SIRT3: variants seen among roughly 807,000 people sequenced by gnomAD.
The protein encoded by SIRT3 is NAD-dependent protein deacetylase sirtuin-3, mitochondrial.
SIRT3 carries 26 observed loss-of-function variants against 33.5 expected under a neutral mutation model. That is an observed-to-expected ratio of 0.78 (90% CI 0.57 to 1.08). SIRT3 has a LOEUF of 1.08. SIRT3 is among the 50% of genes least tolerant of loss of function. SIRT3 has a pLI of 0.00. For missense variants in SIRT3, 585 were observed against 530.1 expected (o/e 1.10, Z -1.02); for synonymous variants, 237 against 222.1 (o/e 1.07, Z -0.60).
intron 6 of SIRT3, among the ~76,000 whole-genome samples, chr11:217,341 T>C (rs1431088495): frequency 6.6e-6 from 1 of 152,138 alleles, no homozygotes; most frequent in East Asian, 1.9e-4. Flanking sequence ...TCCCAGCTGC[T>C]CAGGAGGCTG....
intron 3 of SIRT3, among the ~76,000 whole-genome samples, chr11:231,815 G>C (rs1046536733): frequency 6.6e-6 from 1 of 151,954 alleles, no homozygotes; most frequent in Non-Finnish European, 1.5e-5. Flanking sequence ...ACACATTCCT[G>C]GAGCCAAGGT....
At position 223,633 on chromosome 11, in the gene SIRT3, T is replaced by A; in HGVS notation, c.969+445A>T. 16 of 351,920 alleles carry A rather than the reference T, an allele frequency of 4.5e-5. No individual in the cohort carries two copies. Among genetic ancestry groups the A allele is most frequent in the East Asian group, 7.1e-5 (1 of 14,098 alleles). The allele number at this position is 351,920 out of a possible 1,614,324, so 21.8% of individuals were successfully genotyped here. Reference sequence around the variant, plus strand: ...GCCCCCACACCCCCATCCTTCTCCCTTCTCCTCACACGTGGTGCCCCACCC... The same window carrying A: ...GCCCCCACACCCCCATCCTTCTCCCATCTCCTCACACGTGGTGCCCCACCC... On this transcript the variant is annotated intron_variant, in intron 5 of 6. Transcript: ENST00000382743. The surrounding 1 kb of genome is among the most constrained non-coding windows in gnomAD (Gnocchi z 4.8).
rs201532395 is a variant in SIRT3 at position 230,575 on chromosome 11, G to T, written c.707-23C>A. 1.1e-4 allele frequency: 159 copies of T among 1,470,768 alleles called. 1 individual carries two copies. In the Middle Eastern group the frequency reaches 1.1e-3, roughly 10 times the overall value. 91.1% of individuals were successfully genotyped at this position (1,470,768 alleles called of 1,614,324 possible). ...ACACTGAAATTCAAGCCAAAGCGAAGTGTTGCTGCCGCCTCCGAGATGAGC... is the reference window on the plus strand; with the variant it reads ...ACACTGAAATTCAAGCCAAAGCGAATTGTTGCTGCCGCCTCCGAGATGAGC... On this transcript the variant is annotated intron_variant, in intron 3 of 6. Coordinates refer to ENST00000382743, the MANE Select transcript of SIRT3 (RefSeq NM_012239.6).
rs1299721069 is a variant in SIRT3 at position 215,469 on chromosome 11, T to C, written c.*1229A>G. On this transcript the variant is annotated 3_prime_UTR_variant, in exon 7 of 7. Transcript: ENST00000382743. ...TTCATTCTTTTTAGAATTCAACAGT[T>C]TTCCTAGGTCACCAATTCCACCTTT... is the stretch of plus-strand genomic sequence containing the variant. 1 of 152,222 alleles carries C rather than the reference T, an allele frequency of 6.6e-6. No homozygotes were observed. Among genetic ancestry groups the C allele is most frequent in the East Asian group, 1.9e-4 (1 of 5,204 alleles). 9.4% of individuals were successfully genotyped at this position (152,222 alleles called of 1,614,324 possible). A position where few individuals can be genotyped will look rare whatever the true frequency, so the allele number is the denominator to read the frequency against.
At chr11:218,664 A>G in intron 6 of SIRT3, 168 bp downstream of exon 6, 4 of 1,242,678 alleles carry the variant, frequency 3.2e-6, no homozygotes, top group Non-Finnish European at 4.4e-6. Context: ...AAATGGAGGT[A>G]TTGAAAGTAA....
At chr11:236,380 G>GCCCGCGGC (rs71019893), upstream of SIRT3, 131 of 1,046,488 alleles carry the variant, frequency 1.3e-4, 2 homozygotes, top group African/African-American at 2.0e-4. Context: ...CCGGCGCCCC[G>GCCCGCGGC]GCCCCGCCTC....
intron 4 of SIRT3, among the ~76,000 whole-genome samples, chr11:229,275 C>CCCCG (rs78133965): frequency 0.79 from 119,706 of 151,604 alleles, 47,582 homozygotes; most frequent in African/African-American, 0.88. Context: ...CATGGTGAAA[C>CCCCG]TACTCTACTA....
chr11:235,095 C>A (rs1442659431), intron 1 of SIRT3, among the ~76,000 whole-genome samples: 1 of 151,390 alleles, frequency 6.6e-6, no homozygotes, highest in East Asian at 2.0e-4. Flanking sequence ...CCCAGCTGGT[C>A]TCGAACTCCT....
chr11:219,398 G>A (rs6598074), intron 5 of SIRT3, among the ~76,000 whole-genome samples: 123,189 of 152,086 alleles, frequency 0.81, 50,564 homozygotes, highest in African/African-American at 0.95. Flanking sequence ...CCAGCATGAC[G>A]CAGAGGGACA....
intron 1 of SIRT3, 178 bp from the exon 2 acceptor site, chr11:233,712 C>A (rs1177451151): frequency 1.6e-6 from 1 of 625,220 alleles, no homozygotes; most frequent in South Asian, 2.2e-5. Flanking sequence ...CAACAAAAAG[C>A]AGTCATAAAT....
chr11:224,676 C>T (rs7946716), intron 4 of SIRT3, among the ~76,000 whole-genome samples: 23,776 of 152,182 alleles, frequency 0.16, 2,354 homozygotes, highest in Middle Eastern at 0.22. Flanking sequence ...GTTTGAGCTT[C>T]GGTGATCATG....
At position 233,326 on chromosome 11, in the gene SIRT3, G is replaced by A; in HGVS notation, c.473+17C>T. 1 of 1,609,910 alleles carries A rather than the reference G, an allele frequency of 6.2e-7. No individual in the cohort carries two copies. Among genetic ancestry groups the A allele is most frequent in the Non-Finnish European group, 8.5e-7 (1 of 1,177,114 alleles). The stretch of plus-strand genomic sequence containing the variant: ...GGGGAGGGGAGCGCAGAAGGCAGGT[G>A]GGACTGTGGGCAGTACCTGAAGTCT... On this transcript the variant is annotated intron_variant, in intron 2 of 6. Coordinates refer to ENST00000382743, the MANE Select transcript of SIRT3 (RefSeq NM_012239.6).
At chr11:226,614 G>A (rs1857202151) in intron 4 of SIRT3, among the ~76,000 whole-genome samples, 2 of 151,758 alleles carry the variant, frequency 1.3e-5, no homozygotes, top group Non-Finnish European at 2.9e-5. Flanking sequence ...TCACCATGTT[G>A]GCCAGGCTGG....
rs746802874 is a variant in SIRT3 at position 233,378 on chromosome 11, G to A, written c.438C>T (p.Ala146=). 23 of 1,610,866 alleles carry A rather than the reference G, an allele frequency of 1.4e-5. No individual in the cohort carries two copies. The highest frequency in any genetic ancestry group is 1.3e-4 in the Admixed American group (8 of 59,972). Residue 146 remains alanine, a synonymous_variant, in exon 2 of 7, where the codon GCC becomes GCT. Coordinates refer to ENST00000382743, the MANE Select transcript of SIRT3 (RefSeq NM_012239.6). ...ACQRVVVMVG[A]GISTPSGIPD... is the part of the protein sequence containing the mutation. Reference sequence around the variant, plus strand: ...GAATGCCACTGGGTGTGCTGATGCCGGCCCCCACCATGACCACCACCCTCT... The same window carrying A: ...GAATGCCACTGGGTGTGCTGATGCCAGCCCCCACCATGACCACCACCCTCT...
At position 233,348 on chromosome 11, in the gene SIRT3, G is replaced by C. The variant is rs756614128; in HGVS notation, c.468C>G (p.Asp156Glu). ...GGTGGGACTGTGGGCAGTACCTGAA[G>C]TCTGGAATGCCACTGGGTGTGCTGA... Reference protein sequence around the residue: ...AGISTPSGIPDFRSPGSGLYS... With the variant: ...AGISTPSGIPEFRSPGSGLYS... The change falls in exon 2 of 7, where the codon GAC becomes GAG. Residue 156 changes from aspartate to glutamate, a missense_variant. Asp to Glu is a conservative substitution (Grantham distance 45). Coordinates refer to ENST00000382743, the MANE Select transcript of SIRT3 (RefSeq NM_012239.6). The C allele has an allele frequency of 2.5e-6, 4 of 1,613,614 alleles. No homozygotes were observed. The highest frequency in any genetic ancestry group is 1.1e-5 in the South Asian group (1 of 91,014).
Position 222,036 on chromosome 11 carries a change from G to A in SIRT3, c.969+2042C>T, listed in dbSNP as rs189245272. Among the ~76,000 whole-genome samples, 227 of 152,244 alleles carry A rather than the reference G, an allele frequency of 1.5e-3. 2 individuals are homozygous for A. The highest frequency in any genetic ancestry group is 5.0e-3 in the African/African-American group (206 of 41,532). On this transcript the variant is annotated intron_variant, in intron 5 of 6. Coordinates refer to ENST00000382743, the MANE Select transcript of SIRT3 (RefSeq NM_012239.6). ...TGATACACTTATAATCAGGAAAAAGGCCATTTTCATTTCACTTCAACAATA... is the reference window on the plus strand; with the variant it reads ...TGATACACTTATAATCAGGAAAAAGACCATTTTCATTTCACTTCAACAATA...
chr11:230,137 C>T (rs1038759769), intron 4 of SIRT3, among the ~76,000 whole-genome samples: 15 of 148,808 alleles, frequency 1.0e-4, no homozygotes, highest in Non-Finnish European at 4.4e-5. Context: ...TCCTTGAATC[C>T]GGGAGACGGA....
At chr11:217,924 C>T (rs1471744619) in intron 6 of SIRT3, among the ~76,000 whole-genome samples, 1 of 152,186 alleles carries the variant, frequency 6.6e-6, no homozygotes, top group East Asian at 1.9e-4. Context: ...CCACACTCTT[C>T]TTCTGATAGT....
intron 4 of SIRT3, among the ~76,000 whole-genome samples, chr11:224,925 T>C (rs1323326931): frequency 6.6e-6 from 1 of 151,402 alleles, no homozygotes; most frequent in African/African-American, 2.5e-5. Flanking sequence ...GGGCTTGTTT[T>C]AAGCAGGCTC....
Sources: allele counts gnomAD v4.1 joint callset (sites outside exome capture counted in the v4.1 genomes callset), GRCh38; gene constraint gnomAD v4.1.1; non-coding constraint Gnocchi (gnomAD v3.1); transcripts MANE v1.5; gene names NCBI Gene and HGNC (gene_info 2026-07-23, HGNC 2026-07-21).